The following CPA6 variants were observed in gnomAD, a reference collection of about 807,000 sequenced individuals.
CPA6 encodes carboxypeptidase A6, also known as carboxypeptidase B.
Under a neutral mutation model 63.3 loss-of-function variants are expected in CPA6, and 58 were observed. The ratio of observed to expected loss-of-function variants is 0.92; its 90% CI spans 0.74 to 1.14. The LOEUF (loss-of-function observed/expected upper bound fraction) is 1.14. Ranked by LOEUF, CPA6 falls within the 50% of genes most tolerant of loss-of-function variation. CPA6 has a pLI of 0.00. For synonymous variants in CPA6, 185 were observed against 179.0 expected, an observed-to-expected ratio of 1.03 and a Z score of -0.27; for missense variants, 565 against 526.6, an observed-to-expected ratio of 1.07 and a Z score of -0.71.
intron 2 of CPA6, among the ~76,000 whole-genome samples, chr8:67,607,128 T>C (rs534272708): frequency 0.024 from 1,926 of 79,014 alleles, 211 homozygotes; most frequent in African/African-American, 0.088. Context: ...CTCCTCCTCC[T>C]CCTCCTCCCC....
At chr8:67,557,093 A>G (rs979272269) in intron 2 of CPA6, among the ~76,000 whole-genome samples, 8 of 152,114 alleles carry the variant, frequency 5.3e-5, no homozygotes, top group Admixed American at 1.3e-4. Context: ...GCCACATTTT[A>G]TCTTTGGTTT....
At chr8:67,631,665 T>C (rs1815333684) in intron 1 of CPA6, among the ~76,000 whole-genome samples, 1 of 152,238 alleles carries the variant, frequency 6.6e-6, no homozygotes, top group Non-Finnish European at 1.5e-5. Flanking sequence ...ACTAGGGTTC[T>C]CTTCCACCCT....
At chr8:67,715,771 C>T (rs1289746690) in intron 1 of CPA6, among the ~76,000 whole-genome samples, 1 of 152,158 alleles carries the variant, frequency 6.6e-6, no homozygotes, top group Non-Finnish European at 1.5e-5. Context: ...AAGGAAACAA[C>T]ATTTCTAATT....
chr8:67,624,611 T>A (rs948394538), intron 1 of CPA6, among the ~76,000 whole-genome samples: 1 of 152,230 alleles, frequency 6.6e-6, no homozygotes, highest in African/African-American at 2.4e-5. Context: ...AGAAAAGTCA[T>A]TCTTTTTTTA....
chr8:67,564,415 C>CTT lies in CPA6; in HGVS notation c.193-46370_193-46369dup, dbSNP rs200491437. 6.9e-3 allele frequency among the ~76,000 whole-genome samples: 978 copies of CTT among 141,168 alleles called. 8 individuals carry two copies. Among genetic ancestry groups the CTT allele is most frequent in the African/African-American group, 0.023 (883 of 38,402 alleles). 92.6% of individuals were successfully genotyped at this position (141,168 alleles called of 152,430 possible). A position where few individuals can be genotyped will look rare whatever the true frequency, so the allele number is the denominator to read the frequency against. On this transcript the variant is annotated intron_variant, in intron 2 of 10. Coordinates refer to ENST00000297770, the MANE Select transcript of CPA6 (RefSeq NM_020361.5). ...CTGAGCAGCGACGATTAAAAGTGTTCTTTTTTTTTTTTTTATGTTTTGGAT... is the reference window on the plus strand; with the variant it reads ...CTGAGCAGCGACGATTAAAAGTGTTCTTTTTTTTTTTTTTTTATGTTTTGGAT...
intron 2 of CPA6, among the ~76,000 whole-genome samples, chr8:67,554,881 C>A (rs887123766): frequency 4.6e-5 from 7 of 152,144 alleles, no homozygotes; most frequent in African/African-American, 1.7e-4. Context: ...GAGGGTAGAT[C>A]TTCTCCACTC....
intron 1 of CPA6, among the ~76,000 whole-genome samples, chr8:67,634,069 T>C (rs555223220): frequency 3.4e-5 from 5 of 146,772 alleles, no homozygotes; most frequent in Non-Finnish European, 5.9e-5. Flanking sequence ...AAAGACGGAA[T>C]TGAATTAAAA....
At chr8:67,506,690 T>G in intron 6 of CPA6, 97 bp downstream of exon 6, 1 of 756,744 alleles carries the variant, frequency 1.3e-6, no homozygotes, top group Non-Finnish European at 2.4e-6. Context: ...TTCAATCAGG[T>G]ATCATTGGTT....
intron 2 of CPA6, among the ~76,000 whole-genome samples, chr8:67,576,022 A>T (rs181996939): frequency 3.3e-4 from 51 of 152,326 alleles, no homozygotes; most frequent in Admixed American, 2.9e-3. Flanking sequence ...AATGGTGGTT[A>T]CCAGAGGCTG....
At chr8:67,567,033 G>A (rs780412389) in intron 2 of CPA6, among the ~76,000 whole-genome samples, 73 of 152,200 alleles carry the variant, frequency 4.8e-4, no homozygotes, top group Non-Finnish European at 9.4e-4. Context: ...TATAAGAATG[G>A]AAAAAATTTA....
intron 8 of CPA6, among the ~76,000 whole-genome samples, chr8:67,463,218 C>T (rs1024290481): frequency 3.9e-5 from 6 of 152,006 alleles, no homozygotes; most frequent in African/African-American, 1.2e-4. Context: ...TCGAGGCGGG[C>T]GGATCACTTG....
chr8:67,545,742 T>A (rs766365676), intron 2 of CPA6, among the ~76,000 whole-genome samples: 3 of 151,910 alleles, frequency 2.0e-5, no homozygotes, highest in Non-Finnish European at 4.4e-5. Flanking sequence ...TTTGTATTTT[T>A]AGTAGAGACA....
At chr8:67,653,893 C>T (rs1463073666) in intron 1 of CPA6, among the ~76,000 whole-genome samples, 1 of 151,524 alleles carries the variant, frequency 6.6e-6, no homozygotes, top group Non-Finnish European at 1.5e-5. Context: ...ATAGATAGCT[C>T]TTATTATTTT....
At chr8:67,525,412 C>T (rs1812340946) in intron 2 of CPA6, among the ~76,000 whole-genome samples, 1 of 152,010 alleles carries the variant, frequency 6.6e-6, no homozygotes, top group Non-Finnish European at 1.5e-5. Context: ...TTAGACCAGT[C>T]CAAATGAAAG....
At chr8:67,677,034 G>A (rs1050650499) in intron 1 of CPA6, among the ~76,000 whole-genome samples, 1 of 152,106 alleles carries the variant, frequency 6.6e-6, no homozygotes, top group Non-Finnish European at 1.5e-5. Context: ...CTACTGCCCC[G>A]AACTGTGCTG....
At chr8:67,441,399 G>T (rs574261385) in intron 8 of CPA6, among the ~76,000 whole-genome samples, 9 of 152,156 alleles carry the variant, frequency 5.9e-5, no homozygotes, top group African/African-American at 1.7e-4. Flanking sequence ...GTAGTGTAAA[G>T]ATATTCATTC....
chr8:67,552,489 G>A (rs1422618099), intron 2 of CPA6, among the ~76,000 whole-genome samples: 3 of 152,054 alleles, frequency 2.0e-5, no homozygotes, highest in Non-Finnish European at 4.4e-5. Context: ...TATAAAAAAT[G>A]ATGGCCGGGC....
At chr8:67,655,989 C>T (rs1378298474) in intron 1 of CPA6, among the ~76,000 whole-genome samples, 1 of 152,100 alleles carries the variant, frequency 6.6e-6, no homozygotes. Flanking sequence ...GTGTTGCTAT[C>T]ACCAGGAGGC....
At chr8:67,567,428 A>G (rs796756445) in intron 2 of CPA6, among the ~76,000 whole-genome samples, 22 of 152,336 alleles carry the variant, frequency 1.4e-4, no homozygotes, top group African/African-American at 4.8e-4. Context: ...TGACTTACCA[A>G]TGAATAAACA....
Sources: gnomAD v4.1 joint callset for allele counts (sites outside exome capture counted in the v4.1 genomes callset) on GRCh38, gnomAD v4.1.1 for gene constraint, MANE v1.5 for transcripts, NCBI Gene and HGNC (gene_info 2026-07-23, HGNC 2026-07-21) for gene names.